The following FN1 variants were observed in gnomAD, a reference collection of about 807,000 sequenced individuals.
The protein encoded by FN1 is fibronectin 1.
Under a neutral mutation model 297.3 loss-of-function variants are expected in FN1, and 106 were observed. That is an observed-to-expected ratio of 0.36 (90% CI 0.30 to 0.42). The LOEUF is 0.42. Ranked by LOEUF, FN1 falls within the 10% of genes least tolerant of loss-of-function variation. The pLI is 1.00. For missense variants in FN1, 2,690 were observed against 3,124.9 expected (o/e 0.86, Z 3.32); for synonymous variants, 1,149 against 1,152.6 (o/e 1.00, Z 0.06).
chr2:215,361,270 A>T lies in FN1; in HGVS notation c.*285T>A, dbSNP rs2053395632. On this transcript the variant is annotated 3_prime_UTR_variant, in exon 46 of 46. Coordinates refer to ENST00000354785, the MANE Select transcript of FN1 (RefSeq NM_212482.4). ...GTTGGCTGCATATGCTTTCCTATTGATCCCAAACCAAATCTTAGAATCACT... is the reference window on the plus strand; with the variant it reads ...GTTGGCTGCATATGCTTTCCTATTGTTCCCAAACCAAATCTTAGAATCACT... The T allele has an allele frequency of 2.6e-6, 1 of 383,626 alleles. No individual in the cohort carries two copies. Among genetic ancestry groups the T allele is most frequent in the Admixed American group, 4.0e-5 (1 of 24,772 alleles). 23.8% of individuals were successfully genotyped at this position (383,626 alleles called of 1,614,324 possible). A position where few individuals can be genotyped will look rare whatever the true frequency, so the allele number is the denominator to read the frequency against.
rs1162904048 is a variant in FN1, at chr2:215,371,773, A to C, written c.6714+136T>G. The C allele has an allele frequency of 5.2e-6, 4 of 762,510 alleles. No homozygotes were observed. In the Admixed American group the frequency reaches 8.1e-5, roughly 15 times the overall value. 47.2% of individuals were successfully genotyped at this position (762,510 alleles called of 1,614,324 possible). ...AATGATCCACCTGCCTCGGCCTCCC[A>C]AAGTGCTGGGATTACAGGCGTGAGC... On this transcript the variant is annotated intron_variant, in intron 40 of 45. Coordinates refer to ENST00000354785, the MANE Select transcript of FN1 (RefSeq NM_212482.4).
chr2:215,375,574 A>C (rs2106290772), intron 37 of FN1, 55 bp downstream of exon 37: 2 of 1,369,552 alleles, frequency 1.5e-6, no homozygotes, highest in South Asian at 2.3e-5. Context: ...TTTTGAGTTC[A>C]TGAAACTGAT....
Position 215,430,803 on chromosome 2 carries a change from T to A in FN1, c.597A>T (p.Glu199Asp), listed in dbSNP as rs755747157. The A allele has an allele frequency of 6.8e-6, 11 of 1,614,174 alleles. No homozygotes were observed. Among genetic ancestry groups the A allele is most frequent in the Non-Finnish European group, 9.3e-6 (11 of 1,180,004 alleles). Reference sequence around the variant, plus strand: ...AGCCTTGGTAGGGCTTCTCCCACGTTTCTCCGACCACATAGGAAGTCCCAG... The same window carrying A: ...AGCCTTGGTAGGGCTTCTCCCACGTATCTCCGACCACATAGGAAGTCCCAG... Reference protein sequence around the residue: ...HAAGTSYVVGETWEKPYQGWM... With the variant: ...HAAGTSYVVGDTWEKPYQGWM... Residue 199 changes from glutamate to aspartate, a missense_variant, in exon 5 of 46, where the codon GAA becomes GAT. By Grantham distance (45) the Glu-to-Asp change is conservative. This residue lies in a region of FN1 where 876 missense variants were observed against 1,058.1 expected (regional missense o/e 0.83). Coordinates refer to ENST00000354785, the MANE Select transcript of FN1 (RefSeq NM_212482.4).
chr2:215,413,792 A>C (rs1361713183), intron 13 of FN1, among the ~76,000 whole-genome samples: 1 of 152,224 alleles, frequency 6.6e-6, no homozygotes, highest in Non-Finnish European at 1.5e-5. Context: ...AATCTGTCTG[A>C]AAATATTATT....
chr2:215,374,641 T>C (rs1026925883), intron 38 of FN1, among the ~76,000 whole-genome samples: 2 of 152,214 alleles, frequency 1.3e-5, no homozygotes, highest in South Asian at 4.1e-4. Context: ...TTTATAGCAG[T>C]ATGAAAACAG....
At position 215,384,937 on chromosome 2, in the gene FN1, G is replaced by T. The variant is rs776435436; in HGVS notation, c.4652C>A (p.Thr1551Asn). ...VPRDLEVVAA[T>N]PTSLLISWDA... ...CCAGCTGATCAGTAGGCTGGTGGGG[G>T]TCGCAGCAACAACTTCCAGGTCCCT... Residue 1551 changes from threonine (T) to asparagine (N), a missense_variant, in exon 29 of 46, where the codon ACC becomes AAC. Physicochemically the swap from Thr to Asn is moderately conservative, Grantham distance 65. Coordinates refer to ENST00000354785, the MANE Select transcript of FN1 (RefSeq NM_212482.4). 5.6e-6 allele frequency: 9 copies of T among 1,613,818 alleles called. No individual in the cohort carries two copies. The highest frequency in any genetic ancestry group is 1.1e-5 in the South Asian group (1 of 91,076).
intron 40 of FN1, 101 bp from the exon 41 acceptor site, chr2:215,370,533 A>G: frequency 1.0e-6 from 1 of 955,566 alleles, no homozygotes; most frequent in South Asian, 1.6e-5. Context: ...AACAAAGCAA[A>G]GGAAGACAAA....
Position 215,392,977 on chromosome 2 carries a change from G to A in FN1, c.4023C>T (p.Leu1341=). 6.2e-7 allele frequency: 1 copy of A among 1,613,596 alleles called. No individual in the cohort carries two copies. The highest frequency in any genetic ancestry group is 8.5e-7 in the Non-Finnish European group (1 of 1,180,018). Residue 1341 remains leucine, a synonymous_variant, in exon 25 of 46, where the codon CTC becomes CTT. Transcript: ENST00000354785. The part of the protein sequence containing the change: ...GIDYDISVIT[L]INGGESAPTT... Reference sequence around the variant, plus strand: ...TAGGGGCACTCTCGCCGCCATTAATGAGAGTGATAACGCTGATATCATAGT... The same window carrying A: ...TAGGGGCACTCTCGCCGCCATTAATAAGAGTGATAACGCTGATATCATAGT...
intron 20 of FN1, among the ~76,000 whole-genome samples, chr2:215,403,942 T>C (rs948344099): frequency 1.3e-5 from 2 of 152,238 alleles, no homozygotes; most frequent in Non-Finnish European, 2.9e-5. Flanking sequence ...TAATAGAATG[T>C]AGACATAGGT....
intron 41 of FN1, 36 bp from the exon 42 acceptor site, chr2:215,368,063 T>G (rs1223255987): frequency 6.2e-7 from 1 of 1,606,908 alleles, no homozygotes; most frequent in East Asian, 2.2e-5. Flanking sequence ...AAAAGAGACA[T>G]CTTATTAATC....
intron 4 of FN1, 21 bp downstream of exon 4, chr2:215,431,812 T>G: frequency 9.3e-6 from 15 of 1,613,846 alleles, no homozygotes; most frequent in Non-Finnish European, 1.3e-5. Context: ...CAGCTCTTGC[T>G]CAGCCCTAAG....
At chr2:215,408,521 T>A in intron 15 of FN1, 95 bp from the exon 16 acceptor site, 1 of 1,261,098 alleles carries the variant, frequency 7.9e-7, no homozygotes, top group Non-Finnish European at 1.2e-6. Context: ...AATTATATAT[T>A]CATAGGGAAA....
intron 22 of FN1, among the ~76,000 whole-genome samples, 184 bp downstream of exon 22, chr2:215,397,496 A>T (rs996623630): frequency 1.3e-5 from 2 of 152,202 alleles, no homozygotes; most frequent in Non-Finnish European, 2.9e-5. Flanking sequence ...TTCTGATGCC[A>T]TAAAATATAA....
rs761265397 is a variant in FN1, at chr2:215,425,157, T to A, written c.973A>T (p.Thr325Ser). The A allele has an allele frequency of 3.1e-6, 5 of 1,614,070 alleles. No individual in the cohort carries two copies. Among genetic ancestry groups the A allele is most frequent in the Middle Eastern group, 1.6e-4 (1 of 6,084 alleles). Residue 325 changes from threonine (T) to serine (S), a missense_variant, in exon 7 of 46, where the codon ACA (threonine) becomes TCA (serine). Physicochemically the swap from Thr to Ser is moderately conservative, Grantham distance 58 (BLOSUM62 1). Transcript: ENST00000354785. ...VYSVGMQWLK[T>S]QGNKQMLCTC... ...CAAAGCATTTGCTTATTTCCTTGTG[T>A]CTTCAGCCACTGCATCCCCACAGAG...
chr2:215,420,319 C>T lies in FN1; in HGVS notation c.1675+354G>A, dbSNP rs541060226. Among the ~76,000 whole-genome samples the T allele has an allele frequency of 4.7e-5, 7 of 149,760 alleles. No individual in the cohort carries two copies. In the South Asian group the frequency reaches 1.5e-3, roughly 32 times the overall value. On this transcript the variant is annotated intron_variant, in intron 11 of 45. Coordinates refer to ENST00000354785, the MANE Select transcript of FN1 (RefSeq NM_212482.4). ...GTGCCATACACTCCAGCCTGGGCAA[C>T]AAGAGCGAAACTCTCTCTCAAAAAA... is the stretch of plus-strand genomic sequence containing the variant.
intron 13 of FN1, among the ~76,000 whole-genome samples, chr2:215,410,761 A>G (rs1366726035): frequency 6.6e-6 from 1 of 151,950 alleles, no homozygotes; most frequent in Non-Finnish European, 1.5e-5. Flanking sequence ...CCCGCCTCGG[A>G]CTCCCAAAGT....
In FN1 at chr2:215,394,676, C is replaced by T. The variant is rs751943840; in HGVS notation, c.3648G>A (p.Gln1216=). 3.7e-6 allele frequency: 6 copies of T among 1,613,984 alleles called. No homozygotes were observed. The South Asian group carries it at 6.6e-5, about 18-fold the overall frequency. ...CCACTTCTTCCAAAGAATTTCCCTG[C>T]TGGCCGTTTGTAGGGGTTGTGGTAA... The part of the protein sequence containing the change: ...YRITTTPTNG[Q]QGNSLEEVVH... Residue 1216 remains glutamine, a synonymous_variant, in exon 24 of 46, where the codon CAG becomes CAA. Transcript: ENST00000354785.
Position 215,428,375 on chromosome 2 carries a change from G to A in FN1, c.686-37C>T, listed in dbSNP as rs202153198. On this transcript the variant is annotated intron_variant, in intron 5 of 45. Coordinates refer to ENST00000354785, the MANE Select transcript of FN1 (RefSeq NM_212482.4). ...AGGAAGCACATACATACATCAGGTC[G>A]AGAGTCGCAAGTGGTCAATTCAAAC... The A allele has an allele frequency of 6.2e-5, 99 of 1,602,418 alleles. 1 individual carries two copies. The Admixed American group carries it at 1.4e-3, about 23-fold the overall frequency.
rs2059891325 is a variant in FN1, at chr2:215,393,077, C to T, written c.3923G>A (p.Gly1308Asp). 1 of 1,614,022 alleles carries T rather than the reference C, an allele frequency of 6.2e-7. No individual in the cohort carries two copies. The change falls in exon 25 of 46, where the codon GGT (glycine) becomes GAT (aspartate). Residue 1308 changes from glycine to aspartate, a missense_variant. Around this residue, in one of 3 missense-constraint regions of FN1, gnomAD observed 1,743 missense variants for 1,945.2 expected, o/e 0.90. Transcript: ENST00000354785. Reference protein sequence around the residue: ...YRITVVAAGEGIPIFEDFVDS... With the variant: ...YRITVVAAGEDIPIFEDFVDS... ...CACAAAATCTTCAAAAATAGGGATACCTTCTCCTGCCGCAACTACTGTGAT... is the reference window on the plus strand; with the variant it reads ...CACAAAATCTTCAAAAATAGGGATATCTTCTCCTGCCGCAACTACTGTGAT...
Sources: allele counts gnomAD v4.1 joint callset (sites outside exome capture counted in the v4.1 genomes callset), GRCh38; gene constraint gnomAD v4.1.1; regional missense constraint gnomAD v4.1.1; transcripts MANE v1.5; gene names NCBI Gene and HGNC (gene_info 2026-07-23, HGNC 2026-07-21).